The following EDARADD variants were observed in gnomAD, a reference collection of about 807,000 sequenced individuals.
The protein encoded by EDARADD is EDAR associated via death domain.
In EDARADD, 20 loss-of-function variants were observed where a neutral mutation model predicts 25.6. The observed-to-expected ratio is 0.78, with a 90% CI of 0.55 to 1.14. The LOEUF (loss-of-function observed/expected upper bound fraction) is 1.14. EDARADD is among the 50% of genes most tolerant of loss of function. The pLI is 0.00. For missense variants in EDARADD, 225 were observed against 270.1 expected (o/e 0.83, Z 1.17); for synonymous variants, 86 against 94.4 (o/e 0.91, Z 0.52).
intron 3 of EDARADD, among the ~76,000 whole-genome samples, chr1:236,418,061 C>G (rs1657686943): frequency 6.6e-6 from 1 of 151,374 alleles, no homozygotes; most frequent in Non-Finnish European, 1.5e-5. Context: ...TCACGCCATT[C>G]TCCTGCCTCA....
At chr1:236,352,986 G>T (rs1666933973) in intron 3 of EDARADD, among the ~76,000 whole-genome samples, 1 of 151,394 alleles carries the variant, frequency 6.6e-6, no homozygotes, top group Non-Finnish European at 1.5e-5. Context: ...CTTGAGCCTG[G>T]GCAACAGAGC....
At chr1:236,433,370 C>A (rs1658159031) in intron 4 of EDARADD, among the ~76,000 whole-genome samples, 1 of 151,828 alleles carries the variant, frequency 6.6e-6, no homozygotes, top group South Asian at 2.1e-4. Context: ...ATCAGCCTGG[C>A]CAACATGGGG....
At chr1:236,463,063 C>CAT (rs59459655) in intron 4 of EDARADD, among the ~76,000 whole-genome samples, 80,713 of 151,840 alleles carry the variant, frequency 0.53, 21,646 homozygotes, top group East Asian at 0.71. Flanking sequence ...TTTACACACA[C>CAT]ATTTAAAATC....
At chr1:236,467,053 A>G (rs1004857512) in intron 4 of EDARADD, among the ~76,000 whole-genome samples, 22 of 150,592 alleles carry the variant, frequency 1.5e-4, no homozygotes, top group Admixed American at 3.3e-4. Context: ...GCGACAGAGC[A>G]AGACTCCGTC....
intron 5 of EDARADD, among the ~76,000 whole-genome samples, chr1:236,475,186 T>C (rs1166288459): frequency 6.6e-6 from 1 of 151,958 alleles, no homozygotes; most frequent in East Asian, 1.9e-4. Flanking sequence ...AAATAAATAA[T>C]CCCATTTTTC....
At chr1:236,455,027 T>A (rs569840751) in intron 4 of EDARADD, among the ~76,000 whole-genome samples, 1 of 152,222 alleles carries the variant, frequency 6.6e-6, no homozygotes, top group Non-Finnish European at 1.5e-5. Flanking sequence ...TTGGCCAATA[T>A]GGTGAAACCC....
At chr1:236,445,775 C>A (rs1192354797) in intron 4 of EDARADD, among the ~76,000 whole-genome samples, 1 of 152,218 alleles carries the variant, frequency 6.6e-6, no homozygotes, top group Non-Finnish European at 1.5e-5. Flanking sequence ...ATTACCTCCA[C>A]TTCATAGATG....
upstream of EDARADD, among the ~76,000 whole-genome samples, chr1:236,393,397 T>TTTC: frequency 8.0e-6 from 1 of 124,470 alleles, no homozygotes; most frequent in South Asian, 2.9e-4. Context: ...CTTTCTTTTT[T>TTTC]TTTTTTTTTT....
chr1:236,466,375 TTC>T (rs1380569181), intron 4 of EDARADD, among the ~76,000 whole-genome samples: 1 of 151,924 alleles, frequency 6.6e-6, no homozygotes. Flanking sequence ...CTCACTATAA[TTC>T]TCTCTTTCTG....
chr1:236,484,556 C>T lies in EDARADD; in HGVS notation c.*1907C>T. On this transcript the variant is annotated 3_prime_UTR_variant, in exon 6 of 6. Coordinates refer to ENST00000334232, the MANE Select transcript of EDARADD (RefSeq NM_145861.4). This position sits in a 1 kb window ranked among gnomAD's most constrained non-coding sequence, Gnocchi z 4.1. ...ACTCCGGCAGCTCAAGACCCCCGAG[C>T]AACATTTGTAGGGGCCGCTGCTAGT... 5.4e-6 allele frequency: 6 copies of T among 1,112,860 alleles called. No individual in the cohort carries two copies. Among genetic ancestry groups the T allele is most frequent in the Non-Finnish European group, 7.9e-6 (6 of 754,832 alleles). 68.9% of individuals were successfully genotyped at this position (1,112,860 alleles called of 1,614,324 possible).
rs759188384 is a variant in EDARADD at position 236,484,701 on chromosome 1, C to T, written c.*2052C>T. ...CCAGTCTGGAGACAGAGTGAGAGTC[C>T]GTCCCAGAAAAAAAAAAAAAAAAAA... On this transcript the variant is annotated 3_prime_UTR_variant, in exon 6 of 6. Transcript: ENST00000334232. The surrounding 1 kb of genome is among the most constrained non-coding windows in gnomAD (Gnocchi z 4.1). The T allele has an allele frequency of 1.4e-4, 33 of 244,286 alleles. No homozygotes were observed. The highest frequency in any genetic ancestry group is 1.7e-4 in the Non-Finnish European group (23 of 132,776). 15.1% of individuals were successfully genotyped at this position (244,286 alleles called of 1,614,324 possible).
chr1:236,450,382 A>G (rs1018301196), intron 4 of EDARADD, among the ~76,000 whole-genome samples: 4 of 151,982 alleles, frequency 2.6e-5, no homozygotes, highest in African/African-American at 4.8e-5. Context: ...TTGTATAGTT[A>G]TAGTCACACT....
At chr1:236,404,223 T>C (rs1326185042) in intron 1 of EDARADD, among the ~76,000 whole-genome samples, 2 of 152,188 alleles carry the variant, frequency 1.3e-5, no homozygotes, top group African/African-American at 2.4e-5. Flanking sequence ...TTAAAGCTTC[T>C]AGATAAACGA....
At chr1:236,379,777 C>T (rs2102995755) in intron 3 of EDARADD, among the ~76,000 whole-genome samples, 1 of 151,994 alleles carries the variant, frequency 6.6e-6, no homozygotes, top group East Asian at 1.9e-4. Context: ...GAGACTCCAT[C>T]TCAAAAAAAC....
chr1:236,481,063 A>G (rs577395651), intron 5 of EDARADD, among the ~76,000 whole-genome samples: 4 of 145,762 alleles, frequency 2.7e-5, no homozygotes, highest in Non-Finnish European at 4.7e-5. Context: ...AGGGGGCCAT[A>G]AATTTAAAAA....
chr1:236,480,253 G>A (rs1257926773), intron 5 of EDARADD, among the ~76,000 whole-genome samples: 1 of 151,004 alleles, frequency 6.6e-6, no homozygotes, highest in Non-Finnish European at 1.5e-5. Flanking sequence ...TTGCCATATT[G>A]TCTTCATAGT....
chr1:236,353,975 A>G (rs1298353242), intron 3 of EDARADD, among the ~76,000 whole-genome samples: 1 of 152,146 alleles, frequency 6.6e-6, no homozygotes, highest in African/African-American at 2.4e-5. Flanking sequence ...TCTTTCATTT[A>G]AAGCTCGTTA....
chr1:236,453,285 T>C (rs546587547), intron 4 of EDARADD, among the ~76,000 whole-genome samples: 79 of 150,370 alleles, frequency 5.3e-4, no homozygotes, highest in Non-Finnish European at 1.5e-4. Context: ...TTTCTTTTTT[T>C]TTTTTTTTTT....
At chr1:236,375,904 A>G (rs1667218557) in intron 3 of EDARADD, among the ~76,000 whole-genome samples, 1 of 151,034 alleles carries the variant, frequency 6.6e-6, no homozygotes, top group Admixed American at 6.7e-5. Context: ...AAAGAAAGAA[A>G]AAAAAAAGAA....
Sources: allele counts gnomAD v4.1 joint callset (sites outside exome capture counted in the v4.1 genomes callset), GRCh38; gene constraint gnomAD v4.1.1; non-coding constraint Gnocchi (gnomAD v3.1); transcripts MANE v1.5; gene names NCBI Gene and HGNC (gene_info 2026-07-23, HGNC 2026-07-21).